The following IGF1R variants were observed in gnomAD, a reference collection of about 807,000 sequenced individuals.
IGF1R encodes the protein insulin-like growth factor 1 receptor.
Under a neutral mutation model 144.6 loss-of-function variants are expected in IGF1R, and 44 were observed. That is an observed-to-expected ratio of 0.30 (90% CI 0.24 to 0.39). The LOEUF is 0.39. Ranked by LOEUF, IGF1R falls within the 10% of genes least tolerant of loss-of-function variation. The pLI is 1.00. For synonymous variants in IGF1R, 795 were observed against 722.8 expected, an observed-to-expected ratio of 1.10 and a Z score of -1.60; for missense variants, 1,355 against 1,833.7, an observed-to-expected ratio of 0.74 and a Z score of 4.77.
At chr15:98,831,377 A>C (rs2056998854) in intron 2 of IGF1R, among the ~76,000 whole-genome samples, 1 of 152,210 alleles carries the variant, frequency 6.6e-6, no homozygotes, top group Admixed American at 6.5e-5. Context: ...CTCTAGCATG[A>C]ATATAGCCCA....
chr15:98,897,972 A>G (rs1265632364), intron 4 of IGF1R, among the ~76,000 whole-genome samples: 1 of 151,312 alleles, frequency 6.6e-6, no homozygotes, highest in Admixed American at 6.6e-5. Context: ...TATTTTGAGA[A>G]TGTGTTTTCC....
chr15:98,931,907 A>C (rs1025032764), intron 15 of IGF1R, among the ~76,000 whole-genome samples: 2 of 152,234 alleles, frequency 1.3e-5, no homozygotes, highest in Non-Finnish European at 2.9e-5. Flanking sequence ...GCTTCTAAAA[A>C]GAAAATCAGT....
chr15:98,655,141 C>G (rs1472035507), intron 1 of IGF1R, among the ~76,000 whole-genome samples: 1 of 152,162 alleles, frequency 6.6e-6, no homozygotes, highest in African/African-American at 2.4e-5. Context: ...TTGATTTGTT[C>G]TGAGGAAGGA....
rs185291163 is a variant in IGF1R at position 98,703,755 on chromosome 15, A to T, written c.95-3807A>T. On this transcript the variant is annotated intron_variant, in intron 1 of 20. Transcript: ENST00000650285. ...GGGGCCAGATGGCAAAGTGAAGCAG[A>T]TTCTTTCCTCCTGTCTGCATTTTGA... Among the ~76,000 whole-genome samples, 21 of 152,340 alleles carry T rather than the reference A, an allele frequency of 1.4e-4. No individual in the cohort carries two copies. The East Asian group carries it at 4.0e-3, about 29-fold the overall frequency.
chr15:98,784,685 C>G (rs1232082237), intron 2 of IGF1R, among the ~76,000 whole-genome samples: 2 of 151,872 alleles, frequency 1.3e-5, no homozygotes, highest in African/African-American at 4.8e-5. Flanking sequence ...CCTTCAACTA[C>G]AGATTAAGAA....
intron 1 of IGF1R, among the ~76,000 whole-genome samples, chr15:98,651,911 G>A: frequency 6.6e-6 from 1 of 152,190 alleles, no homozygotes; most frequent in South Asian, 2.1e-4. Flanking sequence ...CTATGCCTGT[G>A]AACGGGCGTT....
chr15:98,662,337 T>A (rs77236801), intron 1 of IGF1R, among the ~76,000 whole-genome samples: 1,602 of 152,108 alleles, frequency 0.011, 19 homozygotes, highest in African/African-American at 0.037. Flanking sequence ...GACGTCTGAG[T>A]CTCAGGTCAG....
chr15:98,807,033 C>G (rs185284067), intron 2 of IGF1R, among the ~76,000 whole-genome samples: 1 of 152,280 alleles, frequency 6.6e-6, no homozygotes, highest in Admixed American at 6.5e-5. Flanking sequence ...GAATTTATAA[C>G]GTCTGATGTG....
chr15:98,939,336 G>A lies in IGF1R; in HGVS notation c.3433G>A (p.Glu1145Lys), dbSNP rs769418210. The A allele has an allele frequency of 6.8e-6, 11 of 1,613,992 alleles. No homozygotes were observed. Among genetic ancestry groups the A allele is most frequent in the South Asian group, 2.2e-5 (2 of 91,058 alleles). ...DLAARNCMVA[E>K]DFTVKIGDFG... is the part of the protein sequence containing the mutation. The stretch of plus-strand genomic sequence containing the variant: ...TGCTGCCCGGAATTGCATGGTAGCC[G>A]AAGATTTCACAGTCAAAATCGGAGG... Residue 1145 changes from glutamate (E) to lysine (K), a missense_variant, in exon 18 of 21, where the codon GAA becomes AAA. Physicochemically the swap from Glu to Lys is moderately conservative, Grantham distance 56 (BLOSUM62 1). Coordinates refer to ENST00000650285, the MANE Select transcript of IGF1R (RefSeq NM_000875.5).
chr15:98,804,995 C>T (rs950465841), intron 2 of IGF1R, among the ~76,000 whole-genome samples: 21 of 152,158 alleles, frequency 1.4e-4, no homozygotes, highest in African/African-American at 3.9e-4. Context: ...CACTCCCGGC[C>T]GCTGCAGAGA....
chr15:98,741,998 G>T (rs1161277162), intron 2 of IGF1R, among the ~76,000 whole-genome samples: 1 of 152,228 alleles, frequency 6.6e-6, no homozygotes, highest in East Asian at 1.9e-4. Context: ...GGTAGTAGCT[G>T]AACAGAGTGG....
intron 2 of IGF1R, among the ~76,000 whole-genome samples, chr15:98,728,549 C>T (rs1441763328): frequency 6.6e-6 from 1 of 152,256 alleles, no homozygotes; most frequent in Non-Finnish European, 1.5e-5. Context: ...ATGTGCTTTG[C>T]TTGAAGAGCG....
At chr15:98,777,031 T>G (rs1469545061) in intron 2 of IGF1R, among the ~76,000 whole-genome samples, 1 of 152,210 alleles carries the variant, frequency 6.6e-6, no homozygotes, top group East Asian at 1.9e-4. Context: ...TGTTTCTTGG[T>G]TCTTGTTGCT....
chr15:98,756,346 A>G (rs2141344323), intron 2 of IGF1R, among the ~76,000 whole-genome samples: 1 of 151,170 alleles, frequency 6.6e-6, no homozygotes. Flanking sequence ...CAAATTTTTT[A>G]GTTTTTCAGA....
Position 98,935,159 on chromosome 15 carries a change from C to T in IGF1R, c.3186+106C>T. 9.4e-7 allele frequency: 1 copy of T among 1,063,482 alleles called. No homozygotes were observed. The highest frequency in any genetic ancestry group is 1.4e-6 in the Non-Finnish European group (1 of 698,788). The allele number at this position is 1,063,482 out of a possible 1,614,324, so 65.9% of individuals were successfully genotyped here. On this transcript the variant is annotated intron_variant, in intron 16 of 20. Coordinates refer to ENST00000650285, the MANE Select transcript of IGF1R (RefSeq NM_000875.5). The surrounding 1 kb of genome is among the most constrained non-coding windows in gnomAD (Gnocchi z 4.2). ...ATGTACCCGTGGGTTTGGTGTCTTG[C>T]CTTTGCCTTCTGGATAGTTACCCCA... is the stretch of plus-strand genomic sequence containing the variant.
At position 98,960,623 on chromosome 15, in the gene IGF1R, T is replaced by C. The variant is rs2017185664; in HGVS notation, c.*3181T>C. 4.3e-6 allele frequency: 1 copy of C among 233,528 alleles called. No individual in the cohort carries two copies. Among genetic ancestry groups the C allele is most frequent in the Non-Finnish European group, 8.5e-6 (1 of 118,224 alleles). The allele number at this position is 233,528 out of a possible 1,614,324, so 14.5% of individuals were successfully genotyped here. ...CTCCATCCCTGCAGGAGGCTCGCGC[T>C]GAGGCAGGACCGTGCGGCCATGGCT... On this transcript the variant is annotated 3_prime_UTR_variant, in exon 21 of 21. Transcript: ENST00000650285.
chr15:98,832,506 G>A (rs559018782), intron 2 of IGF1R, among the ~76,000 whole-genome samples: 13 of 152,272 alleles, frequency 8.5e-5, no homozygotes, highest in Non-Finnish European at 1.6e-4. Context: ...ACCACTGCCC[G>A]GGTATTGTAT....
In IGF1R at chr15:98,929,561, G is replaced by A. The variant is rs190470291; in HGVS notation, c.2786G>A (p.Gly929Glu). 9.3e-6 allele frequency: 15 copies of A among 1,612,396 alleles called. No homozygotes were observed. The Admixed American group carries it at 1.8e-4, about 20-fold the overall frequency. The change falls in exon 14 of 21, where the codon GGA becomes GAA. Residue 929 changes from glycine to glutamate, a missense_variant. By Grantham distance (98) the Gly-to-Glu change is moderately conservative. This residue lies in a region of IGF1R where 880 missense variants were observed against 1,202.7 expected (regional missense o/e 0.73). Coordinates refer to ENST00000650285, the MANE Select transcript of IGF1R (RefSeq NM_000875.5). The stretch of plus-strand genomic sequence containing the variant: ...CATTTCCTCCTCTTTGCTGCAGCAG[G>A]ATATGAAAACTTCATCCATCTGATC... ...PVFFYVQAKT[G>E]YENFIHLIIA...
intron 4 of IGF1R, among the ~76,000 whole-genome samples, chr15:98,898,182 C>T (rs35372594): frequency 6.6e-6 from 1 of 152,182 alleles, no homozygotes; most frequent in African/African-American, 2.4e-5. Flanking sequence ...ATGTTTAATT[C>T]TTTTGGCTGT....
Sources: gnomAD v4.1 joint callset for allele counts (sites outside exome capture counted in the v4.1 genomes callset) on GRCh38, gnomAD v4.1.1 for gene constraint, gnomAD v4.1.1 regional missense constraint, Gnocchi (gnomAD v3.1) non-coding constraint, MANE v1.5 for transcripts, NCBI Gene and HGNC (gene_info 2026-07-23, HGNC 2026-07-21) for gene names.